The following EDNRA variants were observed in gnomAD, a reference collection of about 807,000 sequenced individuals.
EDNRA encodes the protein endothelin receptor type A.
Under a neutral mutation model 41.4 loss-of-function variants are expected in EDNRA, and 11 were observed. The observed-to-expected ratio is 0.27, with a 90% CI of 0.17 to 0.44. The LOEUF (loss-of-function observed/expected upper bound fraction) is 0.44, where lower values mean the gene tolerates loss of function less well. Among genes scored for constraint, EDNRA ranks in the 20% least tolerant of loss-of-function variants. The pLI, the probability that EDNRA is intolerant of heterozygous loss-of-function variation, is 1.00. For missense variants in EDNRA, 294 were observed against 531.0 expected (o/e 0.55, Z 4.39); for synonymous variants, 172 against 183.0 (o/e 0.94, Z 0.49).
rs1730635730 is a variant in EDNRA at position 147,528,533 on chromosome 4, G to A, written c.549-3973G>A. Reference sequence around the variant, plus strand: ...ATGCCTGGCTAATTGTTGTATTTTTGTAGAGATGGAATTTCACCATGTTGC... The same window carrying A: ...ATGCCTGGCTAATTGTTGTATTTTTATAGAGATGGAATTTCACCATGTTGC... On this transcript the variant is annotated intron_variant, in intron 3 of 7. Transcript: ENST00000651419. 3.3e-5 allele frequency among the ~76,000 whole-genome samples: 5 copies of A among 151,712 alleles called. No individual in the cohort carries two copies. In the South Asian group the frequency reaches 1.0e-3, roughly 32 times the overall value.
chr4:147,543,773 A>G lies in EDNRA; in HGVS notation c.*1155A>G, dbSNP rs1560922862. The G allele has an allele frequency of 6.6e-6, 1 of 152,610 alleles. No homozygotes were observed. Among genetic ancestry groups the G allele is most frequent in the Non-Finnish European group, 1.5e-5 (1 of 68,040 alleles). 9.5% of individuals were successfully genotyped at this position (152,610 alleles called of 1,614,324 possible). A position where few individuals can be genotyped will look rare whatever the true frequency, so the allele number is the denominator to read the frequency against. On this transcript the variant is annotated 3_prime_UTR_variant, in exon 8 of 8. Transcript: ENST00000651419. ...GGAAACATAATTTTGAAGTGGCCAG[A>G]TGAGTTTATCATGTCAGTGAAAAAT...
Position 147,486,230 on chromosome 4 carries a change from T to C in EDNRA, c.420+129T>C. On this transcript the variant is annotated intron_variant, in intron 2 of 7. Coordinates refer to ENST00000651419, the MANE Select transcript of EDNRA (RefSeq NM_001957.4). This position sits in a 1 kb window ranked among gnomAD's most constrained non-coding sequence, Gnocchi z 4.3. ...TTTACTGAGAGCTATTTCTGCTGTC[T>C]TCTAACTACTAGTTTTAAGATTTAC... 1 of 988,868 alleles carries C rather than the reference T, an allele frequency of 1.0e-6. No individual in the cohort carries two copies. The highest frequency in any genetic ancestry group is 1.5e-6 in the Non-Finnish European group (1 of 689,328). The allele number at this position is 988,868 out of a possible 1,614,324, so 61.3% of individuals were successfully genotyped here. A position where few individuals can be genotyped will look rare whatever the true frequency, so the allele number is the denominator to read the frequency against.
intron 2 of EDNRA, chr4:147,493,861 A>G (rs566205098): frequency 1.3e-5 from 2 of 152,178 alleles, no homozygotes; most frequent in South Asian, 4.1e-4. Context: ...ATAAATTTGG[A>G]AGGTTTGAAG....
intron 3 of EDNRA, among the ~76,000 whole-genome samples, chr4:147,520,622 T>C (rs1356918504): frequency 6.6e-6 from 1 of 152,250 alleles, no homozygotes; most frequent in African/African-American, 2.4e-5. Context: ...ATAGCAGCAA[T>C]TATAAGAATG....
At position 147,523,770 on chromosome 4, in the gene EDNRA, A is replaced by G. The variant is rs573307291; in HGVS notation, c.548+3792A>G. On this transcript the variant is annotated intron_variant, in intron 3 of 7. Coordinates refer to ENST00000651419, the MANE Select transcript of EDNRA (RefSeq NM_001957.4). ...CTCCCAAAGTGCTGGGATTACAGGC[A>G]TGAGCCACCGCGCCCGTCCTGTTTT... Among the ~76,000 whole-genome samples, 47 of 152,198 alleles carry G rather than the reference A, an allele frequency of 3.1e-4. No homozygotes were observed. In the South Asian group the frequency reaches 8.3e-3, roughly 27 times the overall value.
intron 2 of EDNRA, among the ~76,000 whole-genome samples, chr4:147,500,758 A>G (rs1216677409): frequency 6.6e-6 from 1 of 151,466 alleles, no homozygotes; most frequent in Non-Finnish European, 1.5e-5. Context: ...AAAAAAAAAA[A>G]GCAGAGTTGG....
chr4:147,484,076 G>T (rs148825222), intron 1 of EDNRA, among the ~76,000 whole-genome samples: 1 of 151,882 alleles, frequency 6.6e-6, no homozygotes, highest in African/African-American at 2.4e-5. Flanking sequence ...TCACAGACAC[G>T]TACACACACC....
intron 3 of EDNRA, among the ~76,000 whole-genome samples, chr4:147,525,642 T>C (rs950512149): frequency 1.3e-5 from 2 of 150,504 alleles, no homozygotes; most frequent in African/African-American, 4.9e-5. Context: ...GGGATCACTG[T>C]TGATCTTTGC....
Position 147,539,820 on chromosome 4 carries a change from C to T in EDNRA, c.904C>T (p.Arg302Ter). The change falls in exon 6 of 8, where the codon CGA (arginine) becomes TGA (stop). Residue 302 changes from arginine to a stop codon, truncating the protein, a stop_gained. Coordinates refer to ENST00000651419, the MANE Select transcript of EDNRA (RefSeq NM_001957.4). LOFTEE classifies it high-confidence loss of function. ...TTTTTTTCTCACTTTCCTTTAGCGT[C>T]GAGAAGTGGCAAAAACAGTTTTCTG... ...IALSEHLKQR[R>*]EVAKTVFCLV... 2 of 1,606,850 alleles carry T rather than the reference C, an allele frequency of 1.2e-6. No homozygotes were observed. The highest frequency in any genetic ancestry group is 1.7e-6 in the Non-Finnish European group (2 of 1,178,446).
At chr4:147,510,610 A>G (rs1179889909) in intron 2 of EDNRA, among the ~76,000 whole-genome samples, 1 of 152,214 alleles carries the variant, frequency 6.6e-6, no homozygotes, top group Non-Finnish European at 1.5e-5. Context: ...AATTCAAATT[A>G]TGTATACAAT....
rs1353816908 is a variant in EDNRA at position 147,486,249 on chromosome 4, G to A, written c.420+148G>A. 2.3e-6 allele frequency: 2 copies of A among 881,512 alleles called. No homozygotes were observed. Among genetic ancestry groups the A allele is most frequent in the Non-Finnish European group, 1.7e-6 (1 of 598,580 alleles). 54.6% of individuals were successfully genotyped at this position (881,512 alleles called of 1,614,324 possible). A position where few individuals can be genotyped will look rare whatever the true frequency, so the allele number is the denominator to read the frequency against. On this transcript the variant is annotated intron_variant, in intron 2 of 7. Transcript: ENST00000651419. This position sits in a 1 kb window ranked among gnomAD's most constrained non-coding sequence, Gnocchi z 4.3. Reference sequence around the variant, plus strand: ...GCTGTCTTCTAACTACTAGTTTTAAGATTTACAAATTTTATTATCTGTCTT... The same window carrying A: ...GCTGTCTTCTAACTACTAGTTTTAAAATTTACAAATTTTATTATCTGTCTT...
intron 2 of EDNRA, among the ~76,000 whole-genome samples, chr4:147,517,049 A>G (rs1730140193): frequency 6.6e-6 from 1 of 151,870 alleles, no homozygotes. Context: ...AAGAAAACAC[A>G]CTTAGCAATT....
chr4:147,541,067 CAAAAAAAAAAAAAAAAA>C (rs10551607), intron 7 of EDNRA, among the ~76,000 whole-genome samples: 1 of 46,166 alleles, frequency 2.2e-5, no homozygotes, highest in South Asian at 1.1e-3. Context: ...GACTCAGTCT[CAAAAAAAAAAAAAAAAA>C]AAAAAAAAAA....
At chr4:147,489,163 T>G (rs968019570) in intron 2 of EDNRA, 1 of 152,236 alleles carries the variant, frequency 6.6e-6, no homozygotes, top group African/African-American at 2.4e-5. Flanking sequence ...ATTGCTTTTC[T>G]TTTTTAATTT....
chr4:147,497,221 T>C (rs1336670577), intron 2 of EDNRA, among the ~76,000 whole-genome samples: 1 of 136,438 alleles, frequency 7.3e-6, no homozygotes, highest in East Asian at 2.5e-4. Context: ...GGTTTCAAAC[T>C]CCTGGCTTCA....
At chr4:147,501,006 A>G (rs555160296) in intron 2 of EDNRA, among the ~76,000 whole-genome samples, 20 of 152,216 alleles carry the variant, frequency 1.3e-4, no homozygotes, top group Middle Eastern at 3.4e-3. Context: ...AGAGCCTCTC[A>G]GTATCTACAC....
chr4:147,518,426 G>A (rs1470975871), intron 2 of EDNRA, among the ~76,000 whole-genome samples: 8 of 152,108 alleles, frequency 5.3e-5, no homozygotes, highest in African/African-American at 1.9e-4. Context: ...AGATGAAGAA[G>A]AAACCAGAGG....
chr4:147,541,624 G>C (rs1731106448), intron 7 of EDNRA, among the ~76,000 whole-genome samples: 1 of 152,266 alleles, frequency 6.6e-6, no homozygotes, highest in East Asian at 1.9e-4. Flanking sequence ...ACAGAGTAGA[G>C]AGGAAAAACA....
chr4:147,539,489 TAC>T (rs1301629720), intron 5 of EDNRA, among the ~76,000 whole-genome samples: 2 of 151,848 alleles, frequency 1.3e-5, no homozygotes, highest in East Asian at 3.9e-4. Flanking sequence ...CTCAGCCACC[TAC>T]ACACACACAG....
Sources: allele counts gnomAD v4.1 joint callset (sites outside exome capture counted in the v4.1 genomes callset), GRCh38; gene constraint gnomAD v4.1.1; non-coding constraint Gnocchi (gnomAD v3.1); transcripts MANE v1.5; gene names NCBI Gene and HGNC (gene_info 2026-07-23, HGNC 2026-07-21).